PAK1: variants seen among roughly 807,000 people sequenced by gnomAD.
PAK1 encodes p21 (RAC1) activated kinase 1.
A neutral mutation model predicts 67.4 loss-of-function variants in PAK1; 29 were observed. That is an observed-to-expected ratio of 0.43 (90% confidence interval 0.32 to 0.59). PAK1 has a LOEUF of 0.59. PAK1 is among the 20% of genes least tolerant of loss of function. The pLI is 0.07. For missense variants in PAK1, 337 were observed against 670.7 expected, an observed-to-expected ratio of 0.50 and a Z score of 5.50; for synonymous variants, 223 against 237.4, an observed-to-expected ratio of 0.94 and a Z score of 0.56.
the PAK1 span, among the ~76,000 whole-genome samples, chr11:77,489,355 AATC>A: frequency 6.6e-6 from 1 of 152,008 alleles, no homozygotes; most frequent in Non-Finnish European, 1.5e-5. Flanking sequence ...GGCTATAAGA[AATC>A]ATTAGAAGCT....
chr11:77,527,657 A>G, the PAK1 span, among the ~76,000 whole-genome samples: 1 of 152,172 alleles, frequency 6.6e-6, no homozygotes, highest in Non-Finnish European at 1.5e-5. Context: ...CTCATATGAT[A>G]TAGTCCTGGC....
intron 1 of PAK1, among the ~76,000 whole-genome samples, chr11:77,413,729 G>GAAGA (rs1244556871): frequency 1.3e-5 from 2 of 149,812 alleles, no homozygotes; most frequent in African/African-American, 2.4e-5. Flanking sequence ...AGGAAGGAAG[G>GAAGA]AAGAAAAGAA....
At position 77,338,510 on chromosome 11, in the gene PAK1, G is replaced by C. The variant is rs187866145; in HGVS notation, c.1117-1087C>G. Among the ~76,000 whole-genome samples, 747 of 152,226 alleles carry C rather than the reference G, an allele frequency of 4.9e-3. 3 individuals carry two copies. Among genetic ancestry groups the C allele is most frequent in the Non-Finnish European group, 7.6e-3 (520 of 67,996 alleles). On this transcript the variant is annotated intron_variant, in intron 11 of 14. Transcript: ENST00000356341. ...AAACTGGAACCCTCATACATTGCTG[G>C]CAGGAACGTAAAACAGTACAGCTAC...
the PAK1 span, among the ~76,000 whole-genome samples, chr11:77,515,585 G>A: frequency 6.6e-6 from 1 of 152,112 alleles, no homozygotes; most frequent in Non-Finnish European, 1.5e-5. Flanking sequence ...CTTATGAAAT[G>A]TGCACTTTGT....
chr11:77,441,376 GA>G (rs1488502020), intron 1 of PAK1, among the ~76,000 whole-genome samples: 2 of 152,174 alleles, frequency 1.3e-5, no homozygotes, highest in Non-Finnish European at 2.9e-5. Context: ...TTTTCACTGA[GA>G]AGTCCTTTGA....
chr11:77,448,154 A>C (rs1392549094), intron 1 of PAK1, among the ~76,000 whole-genome samples: 1 of 152,194 alleles, frequency 6.6e-6, no homozygotes, highest in African/African-American at 2.4e-5. Flanking sequence ...ATCAGAAATT[A>C]ATCATTTAAT....
the PAK1 span, among the ~76,000 whole-genome samples, chr11:77,524,162 G>T: frequency 6.6e-6 from 1 of 152,086 alleles, no homozygotes; most frequent in Non-Finnish European, 1.5e-5. Flanking sequence ...ATAAAACATC[G>T]TTGGATCATG....
At chr11:77,499,147 A>G in the PAK1 span, among the ~76,000 whole-genome samples, 91 of 151,984 alleles carry the variant, frequency 6.0e-4, no homozygotes, top group Admixed American at 5.4e-3. Context: ...AAAAAAAAAA[A>G]AGAGAAGGAT....
chr11:77,420,177 A>G (rs943309920), intron 1 of PAK1, among the ~76,000 whole-genome samples: 1 of 152,196 alleles, frequency 6.6e-6, no homozygotes, highest in Admixed American at 6.5e-5. Flanking sequence ...AATTTTTCAT[A>G]GAGCTACTGA....
chr11:77,391,149 C>T (rs922037419), intron 2 of PAK1, among the ~76,000 whole-genome samples: 1 of 152,122 alleles, frequency 6.6e-6, no homozygotes, highest in Non-Finnish European at 1.5e-5. Context: ...AGATATTTTC[C>T]GCAATCTACC....
chr11:77,353,368 A>C (rs1266032423), intron 8 of PAK1, 168 bp downstream of exon 8: 3 of 573,138 alleles, frequency 5.2e-6, no homozygotes, highest in East Asian at 2.9e-5. Flanking sequence ...ATTAAGCATA[A>C]TTCTGCCAAA....
chr11:77,406,220 T>C (rs1953540469), intron 1 of PAK1, among the ~76,000 whole-genome samples: 1 of 152,166 alleles, frequency 6.6e-6, no homozygotes, highest in South Asian at 2.1e-4. Context: ...CAAGTTTTGA[T>C]CTCTAGACCA....
At chr11:77,460,363 A>C (rs1393612875) in intron 1 of PAK1, among the ~76,000 whole-genome samples, 2 of 149,742 alleles carry the variant, frequency 1.3e-5, no homozygotes, top group East Asian at 3.9e-4. Flanking sequence ...TGGCACCATG[A>C]ACATCATTAA....
At chr11:77,325,440 CT>C in intron 14 of PAK1, 2 of 1,530,304 alleles carry the variant, frequency 1.3e-6, no homozygotes, top group Non-Finnish European at 8.9e-7. Context: ...ATATAAAGTG[CT>C]TAGTGCCTAA....
At chr11:77,387,535 T>G (rs1353567953) in intron 2 of PAK1, among the ~76,000 whole-genome samples, 2 of 152,232 alleles carry the variant, frequency 1.3e-5, no homozygotes, top group Non-Finnish European at 2.9e-5. Context: ...CAACTTACTT[T>G]TCTCTAAGCC....
chr11:77,407,939 T>A (rs1161620058), intron 1 of PAK1, among the ~76,000 whole-genome samples: 1 of 151,942 alleles, frequency 6.6e-6, no homozygotes, highest in Non-Finnish European at 1.5e-5. Context: ...GTACCTAGAG[T>A]CTAGCCCCAA....
At chr11:77,486,994 C>G in the PAK1 span, among the ~76,000 whole-genome samples, 3 of 152,182 alleles carry the variant, frequency 2.0e-5, no homozygotes, top group African/African-American at 7.2e-5. Flanking sequence ...CTTGCACCAC[C>G]TCTCCCACAG....
At chr11:77,376,031 T>C (rs756300303) in intron 4 of PAK1, among the ~76,000 whole-genome samples, 27 of 152,190 alleles carry the variant, frequency 1.8e-4, no homozygotes, top group Non-Finnish European at 3.1e-4. Context: ...ATTCAGGATA[T>C]ACTTTAAACA....
the PAK1 span, among the ~76,000 whole-genome samples, chr11:77,490,748 G>A: frequency 6.6e-6 from 1 of 152,358 alleles, no homozygotes; most frequent in South Asian, 2.1e-4. Flanking sequence ...GTAGAAAGAA[G>A]TAGACATGGG....
Sources: allele counts gnomAD v4.1 joint callset (sites outside exome capture counted in the v4.1 genomes callset), GRCh38; gene constraint gnomAD v4.1.1; transcripts MANE v1.5; gene names NCBI Gene and HGNC (gene_info 2026-07-23, HGNC 2026-07-21).